Variants in C2orf49 observed in about 807,000 individuals in gnomAD.
C2orf49 encodes the protein tRNA splicing ligase complex subunit 2, also known as tRNA-splicing ligase complex subunit ASW.
C2orf49 carries 11 observed loss-of-function variants against 20.6 expected under a neutral mutation model. The observed-to-expected ratio is 0.53, with a 90% CI of 0.34 to 0.88. The LOEUF is 0.88. C2orf49 is among the 40% of genes least tolerant of loss of function. C2orf49 has a pLI of 0.02. For missense variants in C2orf49, 289 were observed against 274.2 expected (o/e 1.05, Z -0.38); for synonymous variants, 134 against 108.5 (o/e 1.24, Z -1.46).
At chr2:105,364,304 C>T in the C2orf49 span, among the ~76,000 whole-genome samples, 1 of 152,246 alleles carries the variant, frequency 6.6e-6, no homozygotes, top group East Asian at 1.9e-4. Context: ...GTGGTAACCT[C>T]TCCAATGCCA....
the C2orf49 span, chr2:105,367,713 T>C: frequency 6.2e-7 from 1 of 1,614,182 alleles, no homozygotes; most frequent in Admixed American, 1.7e-5. Flanking sequence ...TGCCAGCTGC[T>C]GCCCTTGTAC....
the C2orf49 span, chr2:105,363,295 G>T: frequency 1.5e-5 from 25 of 1,614,134 alleles, no homozygotes; most frequent in Non-Finnish European, 2.1e-5. Flanking sequence ...CGCTGATGGG[G>T]TTGGTGCACC....
chr2:105,362,892 T>G, the C2orf49 span: 2 of 168,768 alleles, frequency 1.2e-5, no homozygotes, highest in Non-Finnish European at 2.5e-5. Context: ...TAAGATGTTT[T>G]GGAGTACAAC....
intron 2 of C2orf49, among the ~76,000 whole-genome samples, chr2:105,341,156 G>A (rs1261000746): frequency 6.6e-6 from 1 of 152,188 alleles, no homozygotes; most frequent in Non-Finnish European, 1.5e-5. Context: ...CACTGCATAT[G>A]GCTTTTAATT....
chr2:105,377,771 C>T, the C2orf49 span: 1 of 275,976 alleles, frequency 3.6e-6, no homozygotes, highest in Non-Finnish European at 7.2e-6. Flanking sequence ...AGAATGTTTT[C>T]CATGACCCAA....
chr2:105,349,823 G>A (rs572850816), downstream of C2orf49, among the ~76,000 whole-genome samples: 1 of 152,316 alleles, frequency 6.6e-6, no homozygotes, highest in South Asian at 2.1e-4. Context: ...CATGCCTAAG[G>A]CATAGCTATG....
chr2:105,340,387 C>T lies in C2orf49; in HGVS notation c.266+638C>T, dbSNP rs1242883523. The stretch of plus-strand genomic sequence containing the variant: ...ATTTAAGGTGTGTGGGGAGGGGAAG[C>T]GGTGTGTATAAGACTGGAAGCAGGG... On this transcript the variant is annotated intron_variant, in intron 2 of 3. Coordinates refer to ENST00000258457, the MANE Select transcript of C2orf49 (RefSeq NM_024093.3). Among the ~76,000 whole-genome samples the T allele has an allele frequency of 6.6e-5, 10 of 152,202 alleles. No homozygotes were observed. The South Asian group carries it at 1.2e-3, about 19-fold the overall frequency.
chr2:105,384,444 G>C, the C2orf49 span, among the ~76,000 whole-genome samples: 2 of 152,172 alleles, frequency 1.3e-5, no homozygotes, highest in Non-Finnish European at 2.9e-5. Flanking sequence ...ACGAGTGCGA[G>C]TGCAAGGGCT....
At chr2:105,367,075 G>A in the C2orf49 span, among the ~76,000 whole-genome samples, 2 of 152,224 alleles carry the variant, frequency 1.3e-5, no homozygotes, top group Admixed American at 1.3e-4. Context: ...TGCCCGGCCA[G>A]AGTAGATACA....
the C2orf49 span, chr2:105,377,773 A>G: frequency 3.6e-6 from 1 of 276,108 alleles, no homozygotes; most frequent in Non-Finnish European, 7.2e-6. Flanking sequence ...AATGTTTTCC[A>G]TGACCCAAGA....
chr2:105,375,786 G>A, the C2orf49 span: 1 of 152,258 alleles, frequency 6.6e-6, no homozygotes, highest in Non-Finnish European at 1.5e-5. Context: ...AAATGCCCAA[G>A]CCCTCTTCAT....
the C2orf49 span, among the ~76,000 whole-genome samples, chr2:105,370,032 G>A: frequency 6.6e-6 from 1 of 152,186 alleles, no homozygotes; most frequent in Non-Finnish European, 1.5e-5. Flanking sequence ...CAAGTCTCCC[G>A]CAGGCGGAAG....
chr2:105,361,064 C>A, the C2orf49 span: 1 of 408,700 alleles, frequency 2.4e-6, no homozygotes, highest in Non-Finnish European at 4.3e-6. Context: ...AATTTCAAAC[C>A]ATCTTCCCAC....
At chr2:105,353,480 C>T (rs1304857394), downstream of C2orf49, among the ~76,000 whole-genome samples, 1 of 152,078 alleles carries the variant, frequency 6.6e-6, no homozygotes, top group Non-Finnish European at 1.5e-5. Context: ...ACATTTCCAT[C>T]TCAGTGTTTA....
chr2:105,350,217 CG>C (rs1034257447), downstream of C2orf49, among the ~76,000 whole-genome samples: 5 of 152,220 alleles, frequency 3.3e-5, no homozygotes, highest in African/African-American at 1.2e-4. Context: ...CACTAAGTGT[CG>C]GGGGTAGTTT....
At chr2:105,359,544 G>C in the C2orf49 span, 2 of 152,026 alleles carry the variant, frequency 1.3e-5, no homozygotes, top group African/African-American at 4.8e-5. Context: ...CATTGTCTTA[G>C]AAAACTAAGG....
chr2:105,363,157 G>T, the C2orf49 span: 1 of 816,450 alleles, frequency 1.2e-6, no homozygotes, highest in Non-Finnish European at 1.9e-6. Flanking sequence ...AGGCAGAAAA[G>T]TCTGCTGTGT....
chr2:105,368,329 A>G, the C2orf49 span, among the ~76,000 whole-genome samples: 49 of 152,256 alleles, frequency 3.2e-4, no homozygotes, highest in Middle Eastern at 6.8e-3. Context: ...TAAAACCTAC[A>G]TGTAGTTTTT....
Position 105,343,124 on chromosome 2 carries a change from A to G in C2orf49, c.543A>G (p.Lys181=), listed in dbSNP as rs549795708. Residue 181 remains lysine (K), a synonymous_variant, in exon 3 of 4, where the codon AAA becomes AAG. Coordinates refer to ENST00000258457, the MANE Select transcript of C2orf49 (RefSeq NM_024093.3). ...AKQNHDLTHR[K]SPSGPVKSPP... is the part of the protein sequence containing the mutation. Reference sequence around the variant, plus strand: ...AGAACCATGACTTAACGCATAGGAAAAGTCCTTCAGGCCCTGTGAAGTCGC... The same window carrying G: ...AGAACCATGACTTAACGCATAGGAAGAGTCCTTCAGGCCCTGTGAAGTCGC... 4.3e-6 allele frequency: 7 copies of G among 1,614,226 alleles called. No individual in the cohort carries two copies. The highest frequency in any genetic ancestry group is 5.9e-6 in the Non-Finnish European group (7 of 1,180,044).
Sources: allele counts gnomAD v4.1 joint callset (sites outside exome capture counted in the v4.1 genomes callset), GRCh38; gene constraint gnomAD v4.1.1; transcripts MANE v1.5; gene names NCBI Gene and HGNC (gene_info 2026-07-23, HGNC 2026-07-21).